GPRC6A: variants seen among roughly 807,000 people sequenced by gnomAD.
GPRC6A encodes G protein-coupled receptor family C group 6 member A.
A neutral mutation model predicts 47.0 loss-of-function variants in GPRC6A; 54 were observed. That is an observed-to-expected ratio of 1.15 (90% CI 0.92 to 1.44). The LOEUF (loss-of-function observed/expected upper bound fraction) is 1.44. Among genes scored for constraint, GPRC6A ranks in the 40% most tolerant of loss-of-function variants. GPRC6A has a pLI of 0.00. For missense variants in GPRC6A, 1,112 were observed against 1,105.5 expected (o/e 1.01, Z -0.08); for synonymous variants, 347 against 377.1 (o/e 0.92, Z 0.93).
intron 1 of GPRC6A, among the ~76,000 whole-genome samples, chr6:116,818,100 T>C (rs181585445): frequency 3.3e-5 from 5 of 152,024 alleles, no homozygotes; most frequent in African/African-American, 1.2e-4. Context: ...AAAGTTGAAA[T>C]GAAGGAGAAA....
intron 3 of GPRC6A, among the ~76,000 whole-genome samples, chr6:116,805,122 T>A (rs1008712532): frequency 2.0e-5 from 3 of 152,046 alleles, no homozygotes; most frequent in Admixed American, 6.6e-5. Context: ...GAGAATGCTT[T>A]CATATAGGTG....
intron 1 of GPRC6A, among the ~76,000 whole-genome samples, chr6:116,819,044 C>A (rs1773355533): frequency 6.6e-6 from 1 of 152,050 alleles, no homozygotes; most frequent in Admixed American, 6.6e-5. Context: ...CAAAAAAAGG[C>A]AGGGGTTGCA....
At chr6:116,804,442 T>C (rs1446129417) in intron 3 of GPRC6A, among the ~76,000 whole-genome samples, 2 of 152,134 alleles carry the variant, frequency 1.3e-5, no homozygotes, top group Non-Finnish European at 2.9e-5. Context: ...CTAGGGACCC[T>C]AAATGTTGCT....
rs773647707 is a variant in GPRC6A at position 116,828,837 on chromosome 6, T to G, written c.177A>C (p.Gln59His). The change falls in exon 1 of 6, where the codon CAA (glutamine) becomes CAC (histidine). Residue 59 changes from glutamine to histidine, a missense_variant. Transcript: ENST00000310357. ...LSSEDSPRRPQIQECVGFEIS... is the reference protein window; with the variant it reads ...LSSEDSPRRPHIQECVGFEIS... ...TTACTCACCCAACACACTCCTGGAT[T>G]TGTGGTCGTCTGGGAGAGTCTTCTG... is the stretch of plus-strand genomic sequence containing the variant. The G allele has an allele frequency of 6.2e-7, 1 of 1,612,550 alleles. No individual in the cohort carries two copies. The highest frequency in any genetic ancestry group is 1.1e-5 in the South Asian group (1 of 90,888).
chr6:116,814,816 T>C (rs1210835654), intron 1 of GPRC6A, among the ~76,000 whole-genome samples: 2 of 152,050 alleles, frequency 1.3e-5, no homozygotes, highest in South Asian at 2.1e-4. Flanking sequence ...GATCCAATTA[T>C]ATGCAACTTA....
chr6:116,820,215 A>G (rs1773412559), intron 1 of GPRC6A, among the ~76,000 whole-genome samples: 1 of 152,152 alleles, frequency 6.6e-6, no homozygotes. Flanking sequence ...GGCAATAATC[A>G]ATAGTTTACC....
chr6:116,820,815 C>T (rs1773441969), intron 1 of GPRC6A, among the ~76,000 whole-genome samples: 2 of 150,336 alleles, frequency 1.3e-5, no homozygotes. Flanking sequence ...GGGATGCCCT[C>T]TCTCACCACT....
chr6:116,808,975 A>G, intron 2 of GPRC6A, among the ~76,000 whole-genome samples: 1 of 152,206 alleles, frequency 6.6e-6, no homozygotes, highest in East Asian at 1.9e-4. Flanking sequence ...ACAAGATGCT[A>G]CATGACCCAG....
chr6:116,828,772 T>G, intron 1 of GPRC6A, 48 bp downstream of exon 1: 1 of 1,515,702 alleles, frequency 6.6e-7, no homozygotes, highest in Non-Finnish European at 9.0e-7. Flanking sequence ...TATGTCCTAG[T>G]CTCATGACAA....
In GPRC6A at chr6:116,792,932, G is replaced by A; in HGVS notation, c.1991C>T (p.Thr664Ile). ...PQDFTCKTRQ[T>I]MFGVSFTLCI... is the part of the protein sequence containing the mutation. ...AAGAGTAAAGCTCACTCCAAACATT[G>A]TCTGCCTGGTTTTACATGTGAAGTC... Residue 664 changes from threonine (T) to isoleucine (I), a missense_variant, in exon 6 of 6, where the codon ACA becomes ATA. Thr to Ile is a moderately conservative substitution (Grantham distance 89). Coordinates refer to ENST00000310357, the MANE Select transcript of GPRC6A (RefSeq NM_148963.4). 6.2e-7 allele frequency: 1 copy of A among 1,614,104 alleles called. No homozygotes were observed. The highest frequency in any genetic ancestry group is 8.5e-7 in the Non-Finnish European group (1 of 1,179,998).
At chr6:116,812,254 G>T (rs958870508) in intron 1 of GPRC6A, among the ~76,000 whole-genome samples, 4 of 152,124 alleles carry the variant, frequency 2.6e-5, no homozygotes, top group African/African-American at 9.7e-5. Context: ...GCCAGCCAAG[G>T]ATACTATATC....
intron 4 of GPRC6A, among the ~76,000 whole-genome samples, chr6:116,797,543 A>G (rs1046150593): frequency 3.9e-5 from 6 of 152,192 alleles, no homozygotes; most frequent in Non-Finnish European, 8.8e-5. Context: ...TGAAATAATT[A>G]TAGGTGTCTC....
chr6:116,802,100 T>C (rs1772693714), intron 3 of GPRC6A, among the ~76,000 whole-genome samples: 1 of 152,182 alleles, frequency 6.6e-6, no homozygotes, highest in Non-Finnish European at 1.5e-5. Context: ...TCTTTTTTCC[T>C]GTGCTTAATT....
chr6:116,819,206 A>G (rs1773363326), intron 1 of GPRC6A, among the ~76,000 whole-genome samples: 1 of 151,882 alleles, frequency 6.6e-6, no homozygotes, highest in African/African-American at 2.4e-5. Context: ...AGATTCATAA[A>G]GCAAGTCCTG....
chr6:116,795,855 A>C lies in GPRC6A; in HGVS notation c.1549-20T>G. The C allele has an allele frequency of 6.5e-7, 1 of 1,533,518 alleles. No individual in the cohort carries two copies. The highest frequency in any genetic ancestry group is 8.9e-7 in the Non-Finnish European group (1 of 1,126,628). The allele number at this position is 1,533,518 out of a possible 1,614,324, so 95.0% of individuals were successfully genotyped here. On this transcript the variant is annotated intron_variant, in intron 4 of 5. Transcript: ENST00000310357. The stretch of plus-strand genomic sequence containing the variant: ...AATTTGCTATATTAAAAGTGAAAAA[A>C]AAAATCACAAGTAAATTTGTAAAAA...
chr6:116,809,588 A>G lies in GPRC6A; in HGVS notation c.224T>C (p.Leu75Pro). 6 of 1,609,280 alleles carry G rather than the reference A, an allele frequency of 3.7e-6. No homozygotes were observed. The highest frequency in any genetic ancestry group is 5.1e-6 in the Non-Finnish European group (6 of 1,176,400). Residue 75 changes from leucine to proline, a missense_variant, in exon 2 of 6, where the codon CTT becomes CCT. Leu to Pro is a moderately conservative substitution (Grantham distance 98). Coordinates refer to ENST00000310357, the MANE Select transcript of GPRC6A (RefSeq NM_148963.4). ...CATCTCAATGCTGTGTATCATGGCA[A>G]GAGTTTGAAGAAAAACTGATATTTC... ...GFEISVFLQTLAMIHSIEMIN... is the reference protein window; with the variant it reads ...GFEISVFLQTPAMIHSIEMIN...
At chr6:116,794,805 A>G (rs902894242) in intron 5 of GPRC6A, among the ~76,000 whole-genome samples, 5 of 152,202 alleles carry the variant, frequency 3.3e-5, no homozygotes, top group Non-Finnish European at 7.3e-5. Context: ...AGATAATAAA[A>G]TGCAGATACA....
rs1299577227 is a variant in GPRC6A, at chr6:116,800,793, G to A, written c.1339C>T (p.Leu447Phe). The change falls in exon 4 of 6, where the codon CTT becomes TTT. Residue 447 changes from leucine (L) to phenylalanine (F), a missense_variant. Leu to Phe is a conservative substitution (Grantham distance 22). Transcript: ENST00000310357. ...NPNAFQPWEL[L>F]GVLKNVTFTD... ...AATGTCACATTTTTTAGCACACCAA[G>A]TAACTATAAAAAATAAAAACAGAGA... The A allele has an allele frequency of 4.4e-6, 7 of 1,593,486 alleles. No homozygotes were observed. Among genetic ancestry groups the A allele is most frequent in the South Asian group, 1.1e-5 (1 of 90,730 alleles).
chr6:116,792,526 G>A lies in GPRC6A; in HGVS notation c.2397C>T (p.Ile799=), dbSNP rs767205030. Residue 799 remains isoleucine (I), a synonymous_variant, in exon 6 of 6, where the codon ATC becomes ATT. Coordinates refer to ENST00000310357, the MANE Select transcript of GPRC6A (RefSeq NM_148963.4). ...LIYFIAWITF[I]PIYATTFGKY... ...TGCCAAATGTGGTAGCATAGATAGG[G>A]ATGAATGTGATCCAAGCTATGAAGT... 16 of 1,613,804 alleles carry A rather than the reference G, an allele frequency of 9.9e-6. No homozygotes were observed. Among genetic ancestry groups the A allele is most frequent in the Middle Eastern group, 3.3e-4 (2 of 6,046 alleles).
Sources: gnomAD v4.1 joint callset for allele counts (sites outside exome capture counted in the v4.1 genomes callset) on GRCh38, gnomAD v4.1.1 for gene constraint, MANE v1.5 for transcripts, NCBI Gene and HGNC (gene_info 2026-07-23, HGNC 2026-07-21) for gene names.